LMTK2: variants seen among roughly 807,000 people sequenced by gnomAD.
LMTK2 encodes the protein lemur tail kinase 2.
In LMTK2, 37 loss-of-function variants were observed where a neutral mutation model predicts 127.5. That is an observed-to-expected ratio of 0.29 (90% CI 0.22 to 0.38). The LOEUF is 0.38. LMTK2 is among the 10% of genes least tolerant of loss of function. LMTK2 has a pLI of 1.00. For synonymous variants in LMTK2, 819 were observed against 810.1 expected, an observed-to-expected ratio of 1.01 and a Z score of -0.19; for missense variants, 1,694 against 1,920.3, an observed-to-expected ratio of 0.88 and a Z score of 2.20.
intron 2 of LMTK2, among the ~76,000 whole-genome samples, chr7:98,139,634 A>G (rs1562902303): frequency 6.6e-6 from 1 of 152,210 alleles, no homozygotes; most frequent in Non-Finnish European, 1.5e-5. Context: ...GATTGAAGTT[A>G]CGGTACCTCA....
At chr7:98,159,515 T>A in intron 6 of LMTK2, 90 bp downstream of exon 6, 1 of 846,216 alleles carries the variant, frequency 1.2e-6, no homozygotes, top group East Asian at 2.5e-5. Context: ...GAGGGGTTGC[T>A]TTCATGTCTG....
intron 1 of LMTK2, among the ~76,000 whole-genome samples, chr7:98,135,569 A>C (rs2116355965): frequency 6.6e-6 from 1 of 152,056 alleles, no homozygotes; most frequent in South Asian, 2.1e-4. Flanking sequence ...CGATCCTCCC[A>C]CCTTGGCCTC....
intron 4 of LMTK2, among the ~76,000 whole-genome samples, chr7:98,153,460 G>A (rs1442293905): frequency 5.9e-5 from 9 of 152,164 alleles, no homozygotes; most frequent in African/African-American, 1.4e-4. Flanking sequence ...GTTCCTTGGC[G>A]TCCTTGAAAG....
In LMTK2 at chr7:98,209,619, T is replaced by TTA. The variant is rs1484678785; in HGVS notation, c.*4133_*4134dup. On this transcript the variant is annotated 3_prime_UTR_variant, in exon 14 of 14. Coordinates refer to ENST00000297293, the MANE Select transcript of LMTK2 (RefSeq NM_014916.4). ...TATTTAATATTCAAAATAAATATAG[T>TTA]TATATATTTATAAACTCTGTTGGCC... The TTA allele has an allele frequency of 1.3e-5, 2 of 152,164 alleles. No homozygotes were observed. The highest frequency in any genetic ancestry group is 4.8e-5 in the African/African-American group (2 of 41,424). 9.4% of individuals were successfully genotyped at this position (152,164 alleles called of 1,614,324 possible).
intron 7 of LMTK2, among the ~76,000 whole-genome samples, chr7:98,173,884 G>A (rs1285807913): frequency 4.6e-5 from 7 of 152,028 alleles, no homozygotes; most frequent in East Asian, 1.9e-4. Context: ...GTGAAACCCC[G>A]TCTCTACTAA....
At chr7:98,147,618 A>G (rs1364216830) in intron 3 of LMTK2, among the ~76,000 whole-genome samples, 3 of 152,042 alleles carry the variant, frequency 2.0e-5, no homozygotes, top group African/African-American at 7.2e-5. Flanking sequence ...AATTGATAAT[A>G]TGTCTCTTGG....
intron 1 of LMTK2, among the ~76,000 whole-genome samples, chr7:98,118,892 A>G (rs542616009): frequency 8.3e-4 from 127 of 152,272 alleles, no homozygotes; most frequent in African/African-American, 3.0e-3. Flanking sequence ...GGAGATCGAG[A>G]CCGTCCTGGC....
intron 11 of LMTK2, among the ~76,000 whole-genome samples, chr7:98,198,867 G>A (rs1264344476): frequency 5.3e-5 from 8 of 152,174 alleles, no homozygotes; most frequent in South Asian, 4.1e-4. Flanking sequence ...GTGAGTTTTC[G>A]TTTTCATTCA....
intron 1 of LMTK2, among the ~76,000 whole-genome samples, chr7:98,122,714 GTGTGTGTGTGTGTA>G (rs1360452092): frequency 2.2e-4 from 1 of 4,612 alleles, no homozygotes; most frequent in Non-Finnish European, 1.6e-3. Flanking sequence ...GTGTGTGTGT[GTGTGTGTGTGTGTA>G]TATATATAAC....
At chr7:98,170,562 C>T (rs1164327628) in intron 6 of LMTK2, among the ~76,000 whole-genome samples, 2 of 151,548 alleles carry the variant, frequency 1.3e-5, no homozygotes, top group East Asian at 1.9e-4. Flanking sequence ...TTTCCCGCTC[C>T]CCGCCTCCAG....
intron 1 of LMTK2, among the ~76,000 whole-genome samples, chr7:98,122,276 T>C (rs915528170): frequency 6.6e-6 from 1 of 152,012 alleles, no homozygotes; most frequent in African/African-American, 2.4e-5. Flanking sequence ...GTAAATTGCA[T>C]GTCGTGGGGA....
At chr7:98,148,666 TG>T (rs1796807264) in intron 3 of LMTK2, among the ~76,000 whole-genome samples, 1 of 152,222 alleles carries the variant, frequency 6.6e-6, no homozygotes, top group Admixed American at 6.5e-5. Flanking sequence ...TGTTGGAAAC[TG>T]GACGTTTTGA....
chr7:98,209,435 C>T lies in LMTK2; in HGVS notation c.*3943C>T, dbSNP rs1474922490. On this transcript the variant is annotated 3_prime_UTR_variant, in exon 14 of 14. Coordinates refer to ENST00000297293, the MANE Select transcript of LMTK2 (RefSeq NM_014916.4). ...GGACGTAGGGGGCCGTCACACCCAC[C>T]AGGCCTCCCTGCTGTGCTTTAACAC... 6.6e-6 allele frequency: 1 copy of T among 152,342 alleles called. No homozygotes were observed. The highest frequency in any genetic ancestry group is 2.1e-4 in the South Asian group (1 of 4,832). 9.4% of individuals were successfully genotyped at this position (152,342 alleles called of 1,614,324 possible).
intron 3 of LMTK2, 119 bp downstream of exon 3, chr7:98,141,660 T>G (rs1796702076): frequency 1.0e-6 from 1 of 983,928 alleles, no homozygotes; most frequent in African/African-American, 1.6e-5. Flanking sequence ...TTCTCTTCCT[T>G]CTGCTCCCAG....
In LMTK2 at chr7:98,194,578, T is replaced by C; in HGVS notation, c.4107+6T>C. 1 of 1,594,976 alleles carries C rather than the reference T, an allele frequency of 6.3e-7. No individual in the cohort carries two copies. The highest frequency in any genetic ancestry group is 8.5e-7 in the Non-Finnish European group (1 of 1,175,286). ...CAGTCTACCTGTTTGACCAGGTATC[T>C]GTTCCCTCTAAATCATTTTCTATAC... On this transcript the variant is annotated splice_donor_region_variant and intron_variant, in intron 11 of 13. Transcript: ENST00000297293. The surrounding 1 kb of genome is among the most constrained non-coding windows in gnomAD (Gnocchi z 5.4).
Position 98,171,691 on chromosome 7 carries a change from G to A in LMTK2, c.791+17G>A. 6.4e-7 allele frequency: 1 copy of A among 1,557,006 alleles called. No homozygotes were observed. The highest frequency in any genetic ancestry group is 8.7e-7 in the Non-Finnish European group (1 of 1,154,258). Reference sequence around the variant, plus strand: ...CCTGCACAGGTGGGTACCTGCGTCAGCGGTGCACGCCCCACACAGCACCGG... The same window carrying A: ...CCTGCACAGGTGGGTACCTGCGTCAACGGTGCACGCCCCACACAGCACCGG... On this transcript the variant is annotated intron_variant, in intron 7 of 13. Transcript: ENST00000297293. This position sits in a 1 kb window ranked among gnomAD's most constrained non-coding sequence, Gnocchi z 5.1.
Position 98,209,487 on chromosome 7 carries a change from A to G in LMTK2, c.*3995A>G, listed in dbSNP as rs1490702450. 2 of 152,248 alleles carry G rather than the reference A, an allele frequency of 1.3e-5. No individual in the cohort carries two copies. Among genetic ancestry groups the G allele is most frequent in the African/African-American group, 4.8e-5 (2 of 41,448 alleles). 9.4% of individuals were successfully genotyped at this position (152,248 alleles called of 1,614,324 possible). On this transcript the variant is annotated 3_prime_UTR_variant, in exon 14 of 14. Coordinates refer to ENST00000297293, the MANE Select transcript of LMTK2 (RefSeq NM_014916.4). The stretch of plus-strand genomic sequence containing the variant: ...GGCAGAAGAGGTTCATGGCAATATA[A>G]TAGTCAATGAACTTTCAGTTTAAAT...
chr7:98,151,830 C>G (rs550281544), intron 4 of LMTK2, among the ~76,000 whole-genome samples: 1 of 152,186 alleles, frequency 6.6e-6, no homozygotes, highest in Admixed American at 6.5e-5. Context: ...GTTGAAGGAG[C>G]AGGGCAGCTC....
At chr7:98,117,860 G>A (rs1273391948) in intron 1 of LMTK2, among the ~76,000 whole-genome samples, 3 of 152,058 alleles carry the variant, frequency 2.0e-5, no homozygotes, top group African/African-American at 7.2e-5. Flanking sequence ...CCAGCTACTC[G>A]GGAGGTTGAG....
Sources: gnomAD v4.1 joint callset for allele counts (sites outside exome capture counted in the v4.1 genomes callset) on GRCh38, gnomAD v4.1.1 for gene constraint, Gnocchi (gnomAD v3.1) non-coding constraint, MANE v1.5 for transcripts, NCBI Gene and HGNC (gene_info 2026-07-23, HGNC 2026-07-21) for gene names.